The following TENM2 variants were observed in gnomAD, a reference collection of about 807,000 sequenced individuals.
TENM2 encodes teneurin-2.
A neutral mutation model predicts 245.2 loss-of-function variants in TENM2; 52 were observed. The ratio of observed to expected loss-of-function variants is 0.21; its 90% CI spans 0.17 to 0.27. The LOEUF is 0.27. Ranked by LOEUF, TENM2 falls within the 10% of genes least tolerant of loss-of-function variation. The pLI is 1.00. For synonymous variants in TENM2, 1,363 were observed against 1,438.9 expected, an observed-to-expected ratio of 0.95 and a Z score of 1.19; for missense variants, 3,046 against 3,666.8, an observed-to-expected ratio of 0.83 and a Z score of 4.37.
chr5:167,152,659 G>A, the TENM2 span, among the ~76,000 whole-genome samples: 1 of 152,118 alleles, frequency 6.6e-6, no homozygotes, highest in African/African-American at 2.4e-5. Context: ...CTCGGATAGT[G>A]CTGAACCCTT....
intron 2 of TENM2, among the ~76,000 whole-genome samples, chr5:167,493,200 C>T (rs906241767): frequency 2.0e-5 from 3 of 151,936 alleles, no homozygotes; most frequent in Non-Finnish European, 2.9e-5. Flanking sequence ...ATTCCTTGAG[C>T]CCAGGAGTTC....
At chr5:167,007,598 C>G in the TENM2 span, among the ~76,000 whole-genome samples, 1 of 152,154 alleles carries the variant, frequency 6.6e-6, no homozygotes, top group South Asian at 2.1e-4. The surrounding 1 kb of genome is among the most constrained non-coding windows in gnomAD (Gnocchi z 4.2). Flanking sequence ...TTATTGTAGG[C>G]TTGAACACAT....
intron 2 of TENM2, among the ~76,000 whole-genome samples, chr5:167,562,620 G>A (rs182577610): frequency 1.3e-5 from 2 of 152,298 alleles, no homozygotes; most frequent in East Asian, 3.9e-4. Context: ...AGAATGTGAA[G>A]TATTCAAATG....
intron 12 of TENM2, among the ~76,000 whole-genome samples, chr5:168,130,681 T>G (rs1754497856): frequency 6.6e-6 from 1 of 152,132 alleles, no homozygotes; most frequent in South Asian, 2.1e-4. Flanking sequence ...ACGGACCACT[T>G]GAGATCAGGA....
intron 5 of TENM2, among the ~76,000 whole-genome samples, chr5:167,993,463 C>T (rs1340067140): frequency 2.6e-5 from 4 of 152,306 alleles, no homozygotes; most frequent in Non-Finnish European, 2.9e-5. Flanking sequence ...TTTTCATTCC[C>T]GCAAACCTAT....
intron 1 of TENM2, among the ~76,000 whole-genome samples, chr5:167,357,796 T>G (rs1361171403): frequency 1.3e-5 from 2 of 152,134 alleles, no homozygotes; most frequent in African/African-American, 4.8e-5. Flanking sequence ...AAACGCCTGG[T>G]CTATGCATTC....
At chr5:166,992,527 A>G in the TENM2 span, among the ~76,000 whole-genome samples, 3 of 152,194 alleles carry the variant, frequency 2.0e-5, no homozygotes, top group Non-Finnish European at 2.9e-5. Flanking sequence ...TCCTGTAGAC[A>G]TTGTATTTCA....
At chr5:167,455,469 T>TTTC (rs10664050) in intron 2 of TENM2, among the ~76,000 whole-genome samples, 1 of 151,456 alleles carries the variant, frequency 6.6e-6, no homozygotes, top group Admixed American at 6.6e-5. Context: ...TTTTTTTTTT[T>TTTC]CAAATGTATC....
At chr5:167,238,531 A>G in the TENM2 span, among the ~76,000 whole-genome samples, 1 of 152,288 alleles carries the variant, frequency 6.6e-6, no homozygotes, top group East Asian at 1.9e-4. Flanking sequence ...AAGATTAGGT[A>G]TTGAGGGACA....
At chr5:168,124,852 G>T in exon 11 of TENM2, 1 of 1,608,388 alleles carries the variant, frequency 6.2e-7, no homozygotes, top group Non-Finnish European at 8.5e-7. Context: ...TTTTTCAGTT[G>T]ATTGCTTGGA....
intron 3 of TENM2, among the ~76,000 whole-genome samples, chr5:167,901,186 CTT>C (rs144629329): frequency 0.016 from 2,456 of 152,164 alleles, 57 homozygotes; most frequent in African/African-American, 0.056. Flanking sequence ...TTCTCTTTCT[CTT>C]TCTTTCTCTT....
At chr5:167,916,485 C>T (rs1357727136) in intron 3 of TENM2, among the ~76,000 whole-genome samples, 4 of 152,136 alleles carry the variant, frequency 2.6e-5, no homozygotes, top group Non-Finnish European at 4.4e-5. Flanking sequence ...TCATCAATCC[C>T]GGGGAGCAAC....
intron 12 of TENM2, chr5:168,139,646 G>T (rs940229483): frequency 6.7e-6 from 3 of 445,546 alleles, no homozygotes; most frequent in Non-Finnish European, 1.4e-5. Context: ...GGAAGGGGAG[G>T]GAGGGAAGAG....
At chr5:168,177,787 A>C (rs1447499637) in intron 13 of TENM2, among the ~76,000 whole-genome samples, 1 of 152,244 alleles carries the variant, frequency 6.6e-6, no homozygotes, top group African/African-American at 2.4e-5. Context: ...CAGTGAGCCA[A>C]GATTGCACCA....
chr5:167,059,525 C>T, the TENM2 span, among the ~76,000 whole-genome samples: 1 of 152,044 alleles, frequency 6.6e-6, no homozygotes, highest in African/African-American at 2.4e-5. Context: ...TAAACAATGT[C>T]CTTATGTAGA....
intron 2 of TENM2, among the ~76,000 whole-genome samples, chr5:167,495,270 A>G (rs1408262058): frequency 6.8e-6 from 1 of 147,628 alleles, no homozygotes; most frequent in Non-Finnish European, 1.5e-5. Context: ...TATTGAGACT[A>G]TAGACAACCA....
At chr5:167,901,522 A>C (rs550783909) in intron 3 of TENM2, among the ~76,000 whole-genome samples, 1 of 152,332 alleles carries the variant, frequency 6.6e-6, no homozygotes, top group South Asian at 2.1e-4. Context: ...ATTGGAAACC[A>C]GACTCCAACA....
At chr5:167,739,591 C>T (rs560461924) in intron 2 of TENM2, among the ~76,000 whole-genome samples, 2 of 152,226 alleles carry the variant, frequency 1.3e-5, no homozygotes, top group East Asian at 3.9e-4. Context: ...GTCTGTGCTG[C>T]CTTGTATCTG....
intron 2 of TENM2, among the ~76,000 whole-genome samples, chr5:167,516,309 C>A (rs1770375748): frequency 6.6e-6 from 1 of 152,096 alleles, no homozygotes; most frequent in Non-Finnish European, 1.5e-5. Context: ...TGTATTTTCA[C>A]TTTCGTAACC....
Sources: allele counts gnomAD v4.1 joint callset (sites outside exome capture counted in the v4.1 genomes callset), GRCh38; gene constraint gnomAD v4.1.1; non-coding constraint Gnocchi (gnomAD v3.1); transcripts MANE v1.5; gene names NCBI Gene and HGNC (gene_info 2026-07-23, HGNC 2026-07-21).